The following MAK variants were observed in gnomAD, a reference collection of about 807,000 sequenced individuals.
MAK encodes the protein male germ cell associated kinase.
MAK carries 65 observed loss-of-function variants against 82.6 expected under a neutral mutation model. The observed-to-expected ratio is 0.79, with a 90% CI of 0.64 to 0.97. MAK has a LOEUF of 0.97. Among genes scored for constraint, MAK ranks in the 50% least tolerant of loss-of-function variants. The pLI is 0.00. For missense variants in MAK, 703 were observed against 780.2 expected, an observed-to-expected ratio of 0.90 and a Z score of 1.18; for synonymous variants, 250 against 274.2, an observed-to-expected ratio of 0.91 and a Z score of 0.87.
chr6:10,770,963 G>C (rs1772959529), intron 13 of MAK, among the ~76,000 whole-genome samples: 2 of 152,126 alleles, frequency 1.3e-5, no homozygotes, highest in African/African-American at 4.8e-5. Context: ...AGGTGGTAGG[G>C]AAAGAGGGAA....
At chr6:10,813,124 ATATATATATAAAT>A (rs1777146463) in intron 5 of MAK, among the ~76,000 whole-genome samples, 2 of 816 alleles carry the variant, frequency 2.5e-3, no homozygotes. Context: ...ATATATATAT[ATATATATATAAAT>A]TTTTTTTTTT....
Position 10,830,579 on chromosome 6 carries a change from T to TA in MAK, c.69dup (p.Asn24Ter). 6.2e-7 allele frequency: 1 copy of TA among 1,614,152 alleles called. No individual in the cohort carries two copies. The highest frequency in any genetic ancestry group is 8.5e-7 in the Non-Finnish European group (1 of 1,179,992). ...ATGGCCACCAGCTCCCCGGATTCAT[T>TA]ACTCTTGCCCATAAGCACACTCCCA... On this transcript the variant is annotated frameshift_variant, in exon 2 of 15. Coordinates refer to ENST00000354489, the MANE Select transcript of MAK (RefSeq NM_001242957.3). LOFTEE classifies it high-confidence loss of function.
intron 5 of MAK, among the ~76,000 whole-genome samples, chr6:10,811,091 C>T (rs1438762787): frequency 1.3e-5 from 2 of 152,116 alleles, no homozygotes; most frequent in East Asian, 1.9e-4. Flanking sequence ...CTCCGCCTCC[C>T]GGGTTCAAGC....
intron 6 of MAK, among the ~76,000 whole-genome samples, chr6:10,805,078 GGGT>G (rs1776316319): frequency 1.3e-5 from 2 of 149,062 alleles, no homozygotes; most frequent in Admixed American, 6.7e-5. Flanking sequence ...GTCGGGGGGG[GGGT>G]GGGGAGGGGG....
intron 8 of MAK, among the ~76,000 whole-genome samples, chr6:10,798,599 ACT>A (rs1775759034): frequency 1.3e-5 from 2 of 152,044 alleles, no homozygotes; most frequent in Admixed American, 1.3e-4. Context: ...GACAACCAAG[ACT>A]AACATTTTTT....
At chr6:10,819,920 C>T (rs545442644) in intron 2 of MAK, among the ~76,000 whole-genome samples, 7 of 151,796 alleles carry the variant, frequency 4.6e-5, no homozygotes, top group Admixed American at 1.3e-4. Context: ...AGACCATCCT[C>T]GCTAACACAG....
In MAK at chr6:10,776,884, A is replaced by G. The variant is rs958760817; in HGVS notation, c.1466-1425T>C. Among the ~76,000 whole-genome samples, 8 of 151,040 alleles carry G rather than the reference A, an allele frequency of 5.3e-5. No individual in the cohort carries two copies. Among genetic ancestry groups the G allele is most frequent in the African/African-American group, 1.7e-4 (7 of 41,054 alleles). On this transcript the variant is annotated intron_variant, in intron 11 of 14. Transcript: ENST00000354489. This position sits in a 1 kb window ranked among gnomAD's most constrained non-coding sequence, Gnocchi z 4.3. Reference sequence around the variant, plus strand: ...GGCGGATCACGAGGTCAGGAGTTTGAGACCAGCTTGGCCAACATAGTGAAA... The same window carrying G: ...GGCGGATCACGAGGTCAGGAGTTTGGGACCAGCTTGGCCAACATAGTGAAA...
chr6:10,786,318 A>G (rs1428558378), intron 10 of MAK, among the ~76,000 whole-genome samples: 1 of 152,188 alleles, frequency 6.6e-6, no homozygotes, highest in Non-Finnish European at 1.5e-5. Flanking sequence ...GGTACTCTGT[A>G]TTCTTTATGG....
At chr6:10,816,575 G>C (rs898302807) in intron 4 of MAK, among the ~76,000 whole-genome samples, 16 of 151,986 alleles carry the variant, frequency 1.1e-4, no homozygotes, top group African/African-American at 3.9e-4. Flanking sequence ...TAATTTTTCA[G>C]TATTCTAATC....
In MAK at chr6:10,763,466, T is replaced by A. The variant is rs1772119542; in HGVS notation, c.*986A>T. 1 of 151,426 alleles carries A rather than the reference T, an allele frequency of 6.6e-6. No homozygotes were observed. The highest frequency in any genetic ancestry group is 6.6e-5 in the Admixed American group (1 of 15,156). 9.4% of individuals were successfully genotyped at this position (151,426 alleles called of 1,614,324 possible). A position where few individuals can be genotyped will look rare whatever the true frequency, so the allele number is the denominator to read the frequency against. On this transcript the variant is annotated 3_prime_UTR_variant, in exon 15 of 15. Coordinates refer to ENST00000354489, the MANE Select transcript of MAK (RefSeq NM_001242957.3). ...CTTGAATTCATGGGAACTGTACTGG[T>A]CAAGATCAAAACACAAGCCGTCCAC...
chr6:10,835,599 GCAT>G (rs1779102218), intron 1 of MAK, among the ~76,000 whole-genome samples: 1 of 152,194 alleles, frequency 6.6e-6, no homozygotes, highest in African/African-American at 2.4e-5. Context: ...TGGTATGATA[GCAT>G]CATCTTTTCT....
intron 1 of MAK, among the ~76,000 whole-genome samples, chr6:10,836,152 G>T (rs550116727): frequency 6.6e-6 from 1 of 152,274 alleles, no homozygotes; most frequent in African/African-American, 2.4e-5. Context: ...CAAGGAACAC[G>T]ACCATTTCCC....
intron 9 of MAK, among the ~76,000 whole-genome samples, chr6:10,792,696 T>G (rs1775187508): frequency 6.6e-6 from 1 of 152,118 alleles, no homozygotes; most frequent in African/African-American, 2.4e-5. Context: ...CATGGAAAAT[T>G]TTCAGAAAAT....
intron 14 of MAK, among the ~76,000 whole-genome samples, chr6:10,765,313 C>G (rs1772305286): frequency 1.3e-5 from 2 of 152,082 alleles, no homozygotes; most frequent in South Asian, 4.2e-4. Flanking sequence ...AATATTGACA[C>G]AATATCACTA....
chr6:10,813,721 T>A lies in MAK; in HGVS notation c.281A>T (p.Asn94Ile). The A allele has an allele frequency of 6.4e-7, 1 of 1,574,050 alleles. No individual in the cohort carries two copies. The highest frequency in any genetic ancestry group is 8.7e-7 in the Non-Finnish European group (1 of 1,143,726). Reference protein sequence around the residue: ...ENLYQLMKDRNKLFPESVIRN... With the variant: ...ENLYQLMKDRIKLFPESVIRN... ...GATGACTGATTCAGGGAACAACTTG[T>A]TTCTGTAAAGAAATGAACAGTCACA... The change falls in exon 5 of 15, where the codon AAC becomes ATC. Residue 94 changes from asparagine to isoleucine, a missense_variant and splice_region_variant. Coordinates refer to ENST00000354489, the MANE Select transcript of MAK (RefSeq NM_001242957.3).
chr6:10,774,620 A>G (rs1773312812), intron 12 of MAK, among the ~76,000 whole-genome samples: 1 of 152,260 alleles, frequency 6.6e-6, no homozygotes, highest in African/African-American at 2.4e-5. Flanking sequence ...AAAAATTAAA[A>G]AAACTTTTTA....
rs1776988342 is a variant in MAK, at chr6:10,812,158, C to T, written c.358+1486G>A. Among the ~76,000 whole-genome samples, 3 of 152,114 alleles carry T rather than the reference C, an allele frequency of 2.0e-5. No individual in the cohort carries two copies. The South Asian group carries it at 6.2e-4, about 31-fold the overall frequency. On this transcript the variant is annotated intron_variant, in intron 5 of 14. Transcript: ENST00000354489. ...GAGGCTGCAGTGAGCCATGATGGCACCACTGCACTCCAGCCTGGGCATCAG... is the reference window on the plus strand; with the variant it reads ...GAGGCTGCAGTGAGCCATGATGGCATCACTGCACTCCAGCCTGGGCATCAG...
intron 2 of MAK, among the ~76,000 whole-genome samples, chr6:10,821,571 A>G (rs142892467): frequency 1.3e-3 from 202 of 152,238 alleles, no homozygotes; most frequent in African/African-American, 4.3e-3. Flanking sequence ...CCACCACTCC[A>G]GGTCTAGAAT....
chr6:10,808,894 G>A lies in MAK; in HGVS notation c.407C>T (p.Pro136Leu), dbSNP rs779562217. The A allele has an allele frequency of 1.2e-6, 2 of 1,613,398 alleles. No homozygotes were observed. Among genetic ancestry groups the A allele is most frequent in the South Asian group, 2.2e-5 (2 of 91,074 alleles). ...AAAATCAGCAATTTTCACAAGCTCT[G>A]GACCCATACAAAGCAAGTTTTCTGG... Reference protein sequence around the residue: ...MKPENLLCMGPELVKIADFGL... With the variant: ...MKPENLLCMGLELVKIADFGL... Residue 136 changes from proline to leucine, a missense_variant, in exon 6 of 15, where the codon CCA becomes CTA. Pro to Leu is a moderately conservative substitution (Grantham distance 98, BLOSUM62 -3). Coordinates refer to ENST00000354489, the MANE Select transcript of MAK (RefSeq NM_001242957.3).
Sources: allele counts gnomAD v4.1 joint callset (sites outside exome capture counted in the v4.1 genomes callset), GRCh38; gene constraint gnomAD v4.1.1; non-coding constraint Gnocchi (gnomAD v3.1); transcripts MANE v1.5; gene names NCBI Gene and HGNC (gene_info 2026-07-23, HGNC 2026-07-21).